The following LARGE1 variants were observed in gnomAD, a reference collection of about 807,000 sequenced individuals.
LARGE1 encodes xylosyl- and glucuronyltransferase LARGE1.
Under a neutral mutation model 87.6 loss-of-function variants are expected in LARGE1, and 43 were observed. The ratio of observed to expected loss-of-function variants is 0.49; its 90% confidence interval spans 0.38 to 0.63. LARGE1 has a LOEUF of 0.63. Ranked by LOEUF, LARGE1 falls within the 30% of genes least tolerant of loss-of-function variation. The probability of loss-of-function intolerance (pLI) is 0.00; values close to 1 mark genes in which losing one functional copy is unlikely to be tolerated. For synonymous variants in LARGE1, 434 were observed against 394.6 expected (o/e 1.10, Z -1.18); for missense variants, 802 against 1,000.2 (o/e 0.80, Z 2.67).
rs11425081 is a variant in LARGE1, at chr22:33,821,952, G to GTT, written c.-82-60396_-82-60395dup. On this transcript the variant is annotated intron_variant, in intron 1 of 14. Transcript: ENST00000397394. ...GGTTCCGTTTAAGTGACTTTTTTAG[G>GTT]TTTTTTTTTTTTTTTTTTAAAGAGC... Among the ~76,000 whole-genome samples, 314 of 137,674 alleles carry GTT rather than the reference G, an allele frequency of 2.3e-3. 2 individuals carry two copies. Among genetic ancestry groups the GTT allele is most frequent in the African/African-American group, 3.8e-3 (141 of 37,380 alleles). The allele number at this position is 137,674 out of a possible 152,430, so 90.3% of individuals were successfully genotyped here. A position where few individuals can be genotyped will look rare whatever the true frequency, so the allele number is the denominator to read the frequency against.
intron 3 of LARGE1, among the ~76,000 whole-genome samples, chr22:33,649,121 T>G (rs2080712735): frequency 6.6e-6 from 1 of 152,172 alleles, no homozygotes; most frequent in South Asian, 2.1e-4. Flanking sequence ...TGTCGGATGC[T>G]CTCTACCTCT....
At chr22:33,352,511 T>A (rs113989239) in intron 9 of LARGE1, among the ~76,000 whole-genome samples, 1,756 of 152,250 alleles carry the variant, frequency 0.012, 20 homozygotes, top group Middle Eastern at 0.041. Context: ...CCCAGCACTC[T>A]GGGAGGCCGA....
At chr22:33,909,676 C>T (rs919601966) in intron 1 of LARGE1, among the ~76,000 whole-genome samples, 8 of 152,008 alleles carry the variant, frequency 5.3e-5, no homozygotes, top group Middle Eastern at 3.4e-3. Flanking sequence ...GTAGCTGGGA[C>T]TACAGGCGCC....
At chr22:33,505,668 A>T (rs1392854876) in intron 6 of LARGE1, among the ~76,000 whole-genome samples, 6 of 152,194 alleles carry the variant, frequency 3.9e-5, no homozygotes, top group Admixed American at 3.9e-4. Flanking sequence ...AGCTGTCATG[A>T]GAGGTAGCGA....
intron 1 of LARGE1, among the ~76,000 whole-genome samples, chr22:33,853,628 A>G (rs532275812): frequency 4.7e-4 from 72 of 152,362 alleles, no homozygotes; most frequent in African/African-American, 1.4e-3. Flanking sequence ...TACTTCACAG[A>G]CAGTTGTGAG....
rs140476408 is a variant in LARGE1, at chr22:33,856,002, G to A, written c.-83+63993C>T. 2.1e-3 allele frequency among the ~76,000 whole-genome samples: 325 copies of A among 152,246 alleles called. 1 individual carries two copies. The highest frequency in any genetic ancestry group is 7.3e-3 in the African/African-American group (304 of 41,528). On this transcript the variant is annotated intron_variant, in intron 1 of 14. Transcript: ENST00000397394. ...GTCTTGGCATCCTGAGACGCACCCC[G>A]CACCTCTGTGCTGCTTACTGGAGGC...
At chr22:33,460,185 G>C (rs1375851706) in intron 6 of LARGE1, among the ~76,000 whole-genome samples, 4 of 152,210 alleles carry the variant, frequency 2.6e-5, no homozygotes, top group African/African-American at 7.2e-5. Context: ...GCCTTCCTCG[G>C]TTGTGTCGGC....
intron 11 of LARGE1, among the ~76,000 whole-genome samples, chr22:33,182,577 A>T (rs1923230420): frequency 6.6e-6 from 1 of 152,194 alleles, no homozygotes; most frequent in Non-Finnish European, 1.5e-5. Flanking sequence ...TGATTTTATT[A>T]TATTACAAAG....
intron 6 of LARGE1, among the ~76,000 whole-genome samples, chr22:33,561,899 C>T (rs1368504224): frequency 6.6e-6 from 1 of 152,236 alleles, no homozygotes; most frequent in African/African-American, 2.4e-5. Flanking sequence ...GTAATTCTCC[C>T]GGTAATGAAT....
chr22:33,656,698 A>G (rs943019023), intron 2 of LARGE1, among the ~76,000 whole-genome samples: 1 of 152,134 alleles, frequency 6.6e-6, no homozygotes, highest in Admixed American at 6.5e-5. Context: ...CTATCATGCA[A>G]TACGTGTGTG....
intron 1 of LARGE1, among the ~76,000 whole-genome samples, chr22:33,804,039 C>T (rs1212617844): frequency 3.3e-5 from 5 of 152,124 alleles, no homozygotes; most frequent in Admixed American, 1.3e-4. Flanking sequence ...TCTGTACTCT[C>T]TTGTTTATAC....
intron 1 of LARGE1, among the ~76,000 whole-genome samples, chr22:33,906,378 C>T (rs1402402997): frequency 6.6e-6 from 1 of 152,104 alleles, no homozygotes; most frequent in African/African-American, 2.4e-5. Context: ...AGTATTAGGA[C>T]ACCTGGGTTG....
intron 1 of LARGE1, among the ~76,000 whole-genome samples, chr22:33,777,371 C>G (rs2085273556): frequency 6.6e-6 from 1 of 152,098 alleles, no homozygotes; most frequent in South Asian, 2.1e-4. Context: ...GGCGTCGTGG[C>G]TCACATCTGT....
intron 2 of LARGE1, among the ~76,000 whole-genome samples, chr22:33,729,278 A>G (rs139744328): frequency 6.6e-6 from 1 of 152,228 alleles, no homozygotes; most frequent in Non-Finnish European, 1.5e-5. Flanking sequence ...AGCCAAAGAT[A>G]CTGACTGCAA....
chr22:33,643,481 G>A (rs2149149422), intron 3 of LARGE1, among the ~76,000 whole-genome samples: 1 of 151,812 alleles, frequency 6.6e-6, no homozygotes, highest in East Asian at 1.9e-4. Flanking sequence ...AACTAGAGAA[G>A]CAAGAGCAAA....
In LARGE1 at chr22:33,761,450, C is replaced by T. The variant is rs2145729287; in HGVS notation, c.27G>A (p.Arg9=). MLGICRGR[R]KFLAASLSLL... ...GACTCAACGAGGCAGCCAAGAATTT[C>T]CGTCTCCCCCTGCAGATTCCCAGCA... The change falls in exon 2 of 15, where the codon CGG becomes CGA. Residue 9 remains arginine, a synonymous_variant. Coordinates refer to ENST00000397394, the MANE Select transcript of LARGE1 (RefSeq NM_133642.5). The T allele has an allele frequency of 1.2e-6, 2 of 1,614,024 alleles. No individual in the cohort carries two copies. Among genetic ancestry groups the T allele is most frequent in the Non-Finnish European group, 1.7e-6 (2 of 1,179,992 alleles).
the LARGE1 span, among the ~76,000 whole-genome samples, chr22:33,148,538 T>C: frequency 1.3e-5 from 2 of 152,236 alleles, no homozygotes; most frequent in Non-Finnish European, 2.9e-5. Context: ...CTATGAATAT[T>C]CATGCGCAAG....
chr22:33,774,425 C>T (rs558221089), intron 1 of LARGE1, among the ~76,000 whole-genome samples: 15 of 152,176 alleles, frequency 9.9e-5, no homozygotes, highest in Admixed American at 4.6e-4. Flanking sequence ...GGCACGATCT[C>T]GGTTCACTGA....
chr22:33,494,556 C>T (rs1404266841), intron 6 of LARGE1, among the ~76,000 whole-genome samples: 3 of 152,290 alleles, frequency 2.0e-5, no homozygotes, highest in Admixed American at 6.5e-5. Context: ...AGATCCATAG[C>T]ATTGATTCCT....
Sources: gnomAD v4.1 joint callset for allele counts (sites outside exome capture counted in the v4.1 genomes callset) on GRCh38, gnomAD v4.1.1 for gene constraint, MANE v1.5 for transcripts, NCBI Gene and HGNC (gene_info 2026-07-23, HGNC 2026-07-21) for gene names.